The following ZNF385D variants were observed in gnomAD, a reference collection of about 807,000 sequenced individuals.
The protein encoded by ZNF385D is zinc finger protein 659.
In ZNF385D, 15 loss-of-function variants were observed where a neutral mutation model predicts 35.8. That is an observed-to-expected ratio of 0.42 (90% CI 0.28 to 0.64). ZNF385D has a LOEUF of 0.64. ZNF385D is among the 30% of genes least tolerant of loss of function. ZNF385D has a pLI of 0.23. For missense variants in ZNF385D, 474 were observed against 494.6 expected (o/e 0.96, Z 0.39); for synonymous variants, 212 against 186.8 (o/e 1.13, Z -1.10).
intron 2 of ZNF385D, among the ~76,000 whole-genome samples, chr3:22,245,806 A>G (rs1055544729): frequency 2.0e-5 from 3 of 152,088 alleles, no homozygotes; most frequent in African/African-American, 7.2e-5. Context: ...CTTATCAGGC[A>G]AGATGATAAA....
At chr3:21,607,420 TGAATCTA>T (rs1349940696) in intron 2 of ZNF385D, among the ~76,000 whole-genome samples, 1 of 152,222 alleles carries the variant, frequency 6.6e-6, no homozygotes, top group African/African-American at 2.4e-5. Flanking sequence ...AGTTCCAGTG[TGAATCTA>T]GACCATTCTA....
At chr3:22,175,461 A>G (rs1490784806) in intron 2 of ZNF385D, among the ~76,000 whole-genome samples, 1 of 152,026 alleles carries the variant, frequency 6.6e-6, no homozygotes, top group Non-Finnish European at 1.5e-5. Context: ...AAAATGAGAA[A>G]AAAAAAGCTA....
chr3:21,751,217 A>G, upstream of ZNF385D: 2 of 1,287,956 alleles, frequency 1.6e-6, no homozygotes, highest in Non-Finnish European at 2.0e-6. Flanking sequence ...GACTGAGAGT[A>G]CTACAAGCAG....
intron 2 of ZNF385D, among the ~76,000 whole-genome samples, chr3:22,232,321 CTTT>C (rs35548918): frequency 3.4e-5 from 5 of 147,962 alleles, no homozygotes; most frequent in African/African-American, 4.9e-5. Flanking sequence ...ATGATTACAC[CTTT>C]TTTTTTTTTC....
chr3:21,529,506 C>T (rs956655926), intron 3 of ZNF385D, among the ~76,000 whole-genome samples: 2 of 152,080 alleles, frequency 1.3e-5, no homozygotes, highest in African/African-American at 4.8e-5. Context: ...TAAAAATTCA[C>T]TTCTGCCTTT....
chr3:21,569,913 TG>T (rs1279381218), intron 2 of ZNF385D, among the ~76,000 whole-genome samples: 1 of 7,670 alleles, frequency 1.3e-4, no homozygotes, highest in East Asian at 2.4e-3. Flanking sequence ...TGTTGTGGGG[TG>T]GGGGGGCAGG....
chr3:21,451,802 G>A (rs1702477341), intron 4 of ZNF385D, among the ~76,000 whole-genome samples: 1 of 151,976 alleles, frequency 6.6e-6, no homozygotes, highest in Non-Finnish European at 1.5e-5. Context: ...ATTTTATAAA[G>A]GAGAAAACTA....
intron 2 of ZNF385D, among the ~76,000 whole-genome samples, chr3:21,628,539 G>A (rs530356718): frequency 5.3e-5 from 8 of 152,152 alleles, no homozygotes; most frequent in Admixed American, 4.6e-4. Context: ...GAAAAAAAAG[G>A]TAGTCGCTTA....
At chr3:21,956,806 A>G (rs1304161919) in intron 3 of ZNF385D, among the ~76,000 whole-genome samples, 1 of 151,706 alleles carries the variant, frequency 6.6e-6, no homozygotes, top group African/African-American at 2.4e-5. Flanking sequence ...CAACAAAAGC[A>G]TTCCTCAAGC....
At chr3:21,754,276 A>T (rs557196153), upstream of ZNF385D, among the ~76,000 whole-genome samples, 1 of 152,174 alleles carries the variant, frequency 6.6e-6, no homozygotes, top group African/African-American at 2.4e-5. Flanking sequence ...TTCATATGTC[A>T]TCTCAAGGGA....
At chr3:21,649,075 T>C (rs1473731891) in intron 2 of ZNF385D, among the ~76,000 whole-genome samples, 3 of 152,188 alleles carry the variant, frequency 2.0e-5, no homozygotes, top group Non-Finnish European at 2.9e-5. Context: ...ATACTCAATA[T>C]GTGGTCTGTG....
At chr3:21,987,702 C>G (rs1368337540) in intron 3 of ZNF385D, among the ~76,000 whole-genome samples, 1 of 145,582 alleles carries the variant, frequency 6.9e-6, no homozygotes, top group African/African-American at 2.6e-5. Flanking sequence ...TTTCCTGAAT[C>G]TGAACATTGG....
In ZNF385D at chr3:21,816,735, A is replaced by G. The variant is rs374444290; in HGVS notation, c.326-151707T>C. ...CCATGCTCATAGATAGGAAGAATCA[A>G]TATCATGAAAATGGCCATACTGCCC... is the stretch of plus-strand genomic sequence containing the variant. On this transcript the variant is annotated intron_variant, in intron 3 of 5. Transcript: ENST00000494108. 2.6e-5 allele frequency among the ~76,000 whole-genome samples: 4 copies of G among 152,220 alleles called. No individual in the cohort carries two copies. The East Asian group carries it at 5.8e-4, about 22-fold the overall frequency.
intron 3 of ZNF385D, among the ~76,000 whole-genome samples, chr3:21,800,772 T>A (rs1001440138): frequency 3.3e-5 from 5 of 152,018 alleles, no homozygotes; most frequent in Non-Finnish European, 7.4e-5. Flanking sequence ...GCTCTAAGAG[T>A]TTTTTTGTGG....
intron 4 of ZNF385D, among the ~76,000 whole-genome samples, chr3:21,467,494 T>C (rs1703594936): frequency 6.6e-6 from 1 of 152,144 alleles, no homozygotes; most frequent in Non-Finnish European, 1.5e-5. Context: ...TTTTTGTAAA[T>C]CTTAAACATC....
At chr3:22,196,215 T>C (rs996782391) in intron 2 of ZNF385D, among the ~76,000 whole-genome samples, 1 of 152,050 alleles carries the variant, frequency 6.6e-6, no homozygotes, top group African/African-American at 2.4e-5. Flanking sequence ...ATCGAATAGG[T>C]GGAAAACAGT....
At chr3:21,969,274 T>TC (rs1243504668) in intron 3 of ZNF385D, among the ~76,000 whole-genome samples, 1 of 152,044 alleles carries the variant, frequency 6.6e-6, no homozygotes, top group Non-Finnish European at 1.5e-5. Context: ...ACTTGCATAA[T>TC]CCCCACGTGT....
chr3:21,887,154 G>A (rs1220999467), intron 3 of ZNF385D, among the ~76,000 whole-genome samples: 3 of 152,134 alleles, frequency 2.0e-5, no homozygotes, highest in Admixed American at 6.6e-5. Context: ...AAATTTGTAT[G>A]AGGACAGGAC....
chr3:22,053,076 T>C lies in ZNF385D; in HGVS notation c.325+115741A>G, dbSNP rs1699355304. The stretch of plus-strand genomic sequence containing the variant: ...TGTTTACCTAAGCAAGCCTGGGCAA[T>C]GGCGGGCGCCCCTCCCCCAGCCTCG... On this transcript the variant is annotated intron_variant, in intron 3 of 5. Transcript: ENST00000494108. Among the ~76,000 whole-genome samples the C allele has an allele frequency of 2.5e-5, 2 of 78,536 alleles. 1 individual carries two copies. Among genetic ancestry groups the C allele is most frequent in the Non-Finnish European group, 5.1e-5 (2 of 39,276 alleles). 51.5% of individuals were successfully genotyped at this position (78,536 alleles called of 152,430 possible). A position where few individuals can be genotyped will look rare whatever the true frequency, so the allele number is the denominator to read the frequency against.
Sources: gnomAD v4.1 joint callset for allele counts (sites outside exome capture counted in the v4.1 genomes callset) on GRCh38, gnomAD v4.1.1 for gene constraint, MANE v1.5 for transcripts, NCBI Gene and HGNC (gene_info 2026-07-23, HGNC 2026-07-21) for gene names.